The following ITGA9 variants were observed in gnomAD, a reference collection of about 807,000 sequenced individuals.
ITGA9 encodes the protein integrin subunit alpha 9.
A neutral mutation model predicts 127.8 loss-of-function variants in ITGA9; 56 were observed. That is an observed-to-expected ratio of 0.44 (90% confidence interval 0.35 to 0.55). ITGA9 has a LOEUF of 0.55. Among genes scored for constraint, ITGA9 ranks in the 20% least tolerant of loss-of-function variants. The probability of loss-of-function intolerance (pLI) is 0.00; values close to 1 mark genes in which losing one functional copy is unlikely to be tolerated. For missense variants in ITGA9, 1,196 were observed against 1,347.1 expected (o/e 0.89, Z 1.76); for synonymous variants, 508 against 514.5 (o/e 0.99, Z 0.17).
chr3:37,503,422 T>C, intron 6 of ITGA9, 115 bp downstream of exon 6: 1 of 1,165,926 alleles, frequency 8.6e-7, no homozygotes, highest in Admixed American at 2.0e-5. Context: ...TGACGCCTGT[T>C]GTTCTAATGA....
chr3:37,600,645 C>T (rs1305930792), intron 15 of ITGA9, among the ~76,000 whole-genome samples: 1 of 152,100 alleles, frequency 6.6e-6, no homozygotes, highest in Non-Finnish European at 1.5e-5. Context: ...TTACGGATGC[C>T]TCCCTTCCCT....
At chr3:37,779,505 A>G (rs773036443) in intron 24 of ITGA9, among the ~76,000 whole-genome samples, 1 of 152,236 alleles carries the variant, frequency 6.6e-6, no homozygotes, top group Non-Finnish European at 1.5e-5. Flanking sequence ...GCATGAAAGT[A>G]TATTTGCCAC....
chr3:37,490,136 A>G (rs929010904), intron 4 of ITGA9, among the ~76,000 whole-genome samples: 2 of 152,130 alleles, frequency 1.3e-5, no homozygotes, highest in Non-Finnish European at 2.9e-5. Context: ...AGAGCAAGTG[A>G]CCAGGGGTGA....
chr3:37,519,109 T>C, intron 10 of ITGA9, 151 bp from the exon 11 acceptor site: 1 of 616,640 alleles, frequency 1.6e-6, no homozygotes, highest in South Asian at 1.8e-5. Context: ...TTTTTCCCGC[T>C]GAGGGATCTT....
At chr3:37,714,470 C>T (rs905100427) in intron 18 of ITGA9, among the ~76,000 whole-genome samples, 5 of 152,226 alleles carry the variant, frequency 3.3e-5, no homozygotes, top group Admixed American at 2.0e-4. Context: ...GCCCTGCAGA[C>T]TTCTCAGCAT....
intron 1 of ITGA9, among the ~76,000 whole-genome samples, chr3:37,464,170 T>C (rs141613167): frequency 6.6e-6 from 1 of 151,890 alleles, no homozygotes; most frequent in East Asian, 1.9e-4. Context: ...TGATGGCCTT[T>C]GTGCAAGATT....
chr3:37,561,594 C>T (rs1699488775), intron 15 of ITGA9, among the ~76,000 whole-genome samples: 1 of 152,214 alleles, frequency 6.6e-6, no homozygotes, highest in African/African-American at 2.4e-5. Context: ...GCCCAAGCTC[C>T]ATTAGCATGG....
intron 22 of ITGA9, chr3:37,749,601 C>T (rs1457699807): frequency 6.6e-6 from 1 of 152,300 alleles, no homozygotes; most frequent in East Asian, 1.9e-4. Context: ...TCCTCTCCCT[C>T]CTTGCTCTTA....
chr3:37,744,032 C>T lies in ITGA9; in HGVS notation c.2431C>T (p.Gln811Ter), dbSNP rs1696470396. The change falls in exon 22 of 28, where the codon CAG becomes TAG. Residue 811 changes from glutamine (Q) to a stop codon, truncating the protein, a stop_gained and splice_region_variant. Transcript: ENST00000264741. LOFTEE classifies it high-confidence loss of function. Reference sequence around the variant, plus strand: ...CTTTCAGCCCATCAATATCACCCTTCAGGTACCCACTCCTGGAGACCTCCT... The same window carrying T: ...CTTTCAGCCCATCAATATCACCCTTTAGGTACCCACTCCTGGAGACCTCCT... ...CHFQPINITL[Q>*]VYNTGPSTLP... The T allele has an allele frequency of 1.2e-6, 2 of 1,604,516 alleles. No homozygotes were observed. The highest frequency in any genetic ancestry group is 1.7e-6 in the Non-Finnish European group (2 of 1,171,172).
intron 15 of ITGA9, among the ~76,000 whole-genome samples, chr3:37,609,588 T>C (rs1036806557): frequency 6.6e-6 from 1 of 152,208 alleles, no homozygotes; most frequent in Non-Finnish European, 1.5e-5. Flanking sequence ...TTTTTAGTTA[T>C]CTAGTGCTGC....
At chr3:37,761,856 T>C (rs899885391) in intron 23 of ITGA9, among the ~76,000 whole-genome samples, 1 of 152,160 alleles carries the variant, frequency 6.6e-6, no homozygotes, top group Non-Finnish European at 1.5e-5. Context: ...ACCATGACAA[T>C]TTACAGATGC....
At chr3:37,755,058 C>T (rs1696633128) in intron 23 of ITGA9, among the ~76,000 whole-genome samples, 1 of 152,148 alleles carries the variant, frequency 6.6e-6, no homozygotes, top group African/African-American at 2.4e-5. Flanking sequence ...TCCTGAATAA[C>T]TGACCCCCCC....
intron 16 of ITGA9, among the ~76,000 whole-genome samples, chr3:37,648,624 C>T (rs913456118): frequency 3.3e-5 from 5 of 151,978 alleles, no homozygotes; most frequent in Non-Finnish European, 7.4e-5. Context: ...GAGACCCTGT[C>T]TCTAATAAAT....
At chr3:37,650,353 T>G (rs1258628087) in intron 16 of ITGA9, among the ~76,000 whole-genome samples, 1 of 152,198 alleles carries the variant, frequency 6.6e-6, no homozygotes, top group Non-Finnish European at 1.5e-5. Flanking sequence ...GTTGCATTGA[T>G]TTTTGGAAAA....
At chr3:37,585,151 C>T (rs1699746011) in intron 15 of ITGA9, among the ~76,000 whole-genome samples, 1 of 152,170 alleles carries the variant, frequency 6.6e-6, no homozygotes, top group African/African-American at 2.4e-5. Flanking sequence ...CCTGCTTTGC[C>T]ACAGGGGTCT....
intron 17 of ITGA9, among the ~76,000 whole-genome samples, chr3:37,655,027 C>G (rs574639551): frequency 1.3e-5 from 2 of 152,222 alleles, no homozygotes; most frequent in South Asian, 2.1e-4. Flanking sequence ...TGAACTCATC[C>G]TTTTTTATGG....
intron 17 of ITGA9, among the ~76,000 whole-genome samples, chr3:37,671,493 A>C (rs1403959029): frequency 6.6e-6 from 1 of 152,234 alleles, no homozygotes; most frequent in Admixed American, 6.5e-5. Context: ...TTAAAGTAAT[A>C]CATATTTACC....
chr3:37,625,617 T>C (rs997927079), intron 15 of ITGA9, among the ~76,000 whole-genome samples: 5 of 152,210 alleles, frequency 3.3e-5, no homozygotes, highest in Admixed American at 1.3e-4. Context: ...TTATTTTTTT[T>C]AAGCAGTAAA....
At chr3:37,797,075 T>G (rs1301654425) in intron 26 of ITGA9, among the ~76,000 whole-genome samples, 1 of 152,124 alleles carries the variant, frequency 6.6e-6, no homozygotes, top group Non-Finnish European at 1.5e-5. Flanking sequence ...GTGGCTCACC[T>G]GCAGAACTTT....
Sources: allele counts gnomAD v4.1 joint callset (sites outside exome capture counted in the v4.1 genomes callset), GRCh38; gene constraint gnomAD v4.1.1; transcripts MANE v1.5; gene names NCBI Gene and HGNC (gene_info 2026-07-23, HGNC 2026-07-21).